FGGY: variants seen among roughly 807,000 people sequenced by gnomAD.
FGGY encodes FGGY carbohydrate kinase domain containing.
FGGY carries 72 observed loss-of-function variants against 71.3 expected under a neutral mutation model. The ratio of observed to expected loss-of-function variants is 1.01; its 90% CI spans 0.84 to 1.23. The LOEUF is 1.23. Among genes scored for constraint, FGGY ranks in the 50% most tolerant of loss-of-function variants. The pLI, the probability that FGGY is intolerant of heterozygous loss-of-function variation, is 0.00. For missense variants in FGGY, 668 were observed against 682.3 expected, an observed-to-expected ratio of 0.98 and a Z score of 0.23; for synonymous variants, 251 against 250.3, an observed-to-expected ratio of 1.00 and a Z score of -0.02.
chr1:59,351,824 C>G (rs542958605), intron 4 of FGGY, among the ~76,000 whole-genome samples: 11 of 152,210 alleles, frequency 7.2e-5, no homozygotes, highest in East Asian at 3.9e-4. Context: ...CCACTCACTT[C>G]GTTATTGCTG....
At chr1:59,459,048 T>C (rs1168322835) in intron 6 of FGGY, among the ~76,000 whole-genome samples, 1 of 152,196 alleles carries the variant, frequency 6.6e-6, no homozygotes, top group African/African-American at 2.4e-5. Flanking sequence ...GATTTGAGCA[T>C]TGAGCGTCCT....
chr1:59,318,313 TA>T (rs2045808213), intron 1 of FGGY, among the ~76,000 whole-genome samples: 2 of 152,222 alleles, frequency 1.3e-5, no homozygotes, highest in South Asian at 4.1e-4. Flanking sequence ...TGATGAATTT[TA>T]AAGACATCCA....
chr1:59,637,354 C>T (rs2096970649), intron 10 of FGGY, among the ~76,000 whole-genome samples: 2 of 152,100 alleles, frequency 1.3e-5, no homozygotes, highest in Admixed American at 1.3e-4. Context: ...GAAAAAAAAC[C>T]AGGCGAGGTG....
intron 2 of FGGY, among the ~76,000 whole-genome samples, chr1:59,326,723 T>A (rs899189599): frequency 2.0e-5 from 3 of 149,880 alleles, no homozygotes; most frequent in African/African-American, 4.9e-5. Flanking sequence ...ATTTGAAGTG[T>A]TTTTTTTTTC....
intron 5 of FGGY, among the ~76,000 whole-genome samples, chr1:59,452,233 A>G (rs780608852): frequency 6.6e-6 from 1 of 152,070 alleles, no homozygotes; most frequent in Non-Finnish European, 1.5e-5. Context: ...TGCTACTTGT[A>G]GTAGCAAAGT....
At chr1:59,672,013 C>T (rs1424066318) in intron 13 of FGGY, among the ~76,000 whole-genome samples, 1 of 152,074 alleles carries the variant, frequency 6.6e-6, no homozygotes, top group East Asian at 1.9e-4. Flanking sequence ...TAGGAAGGCC[C>T]GGGAAGTGAA....
intron 14 of FGGY, among the ~76,000 whole-genome samples, chr1:59,700,154 G>A (rs990392197): frequency 2.0e-5 from 3 of 152,130 alleles, no homozygotes; most frequent in Admixed American, 6.6e-5. Context: ...ACTACATTAA[G>A]TTCAAAATAG....
At chr1:59,402,642 A>G (rs1409922466) in intron 5 of FGGY, among the ~76,000 whole-genome samples, 1 of 152,170 alleles carries the variant, frequency 6.6e-6, no homozygotes, top group East Asian at 1.9e-4. Flanking sequence ...AAGCTTGGTA[A>G]TTATTCACTA....
chr1:59,356,403 A>T (rs1427428158), intron 4 of FGGY, among the ~76,000 whole-genome samples: 2 of 151,986 alleles, frequency 1.3e-5, no homozygotes, highest in Non-Finnish European at 1.5e-5. Context: ...CACCAGGAAA[A>T]CTTATAATAA....
At chr1:59,545,112 C>T (rs2095501905) in intron 7 of FGGY, among the ~76,000 whole-genome samples, 1 of 152,178 alleles carries the variant, frequency 6.6e-6, no homozygotes, top group African/African-American at 2.4e-5. Flanking sequence ...TAAATGTCTG[C>T]CTGTGTATTT....
At chr1:59,330,811 A>G (rs181237635) in intron 2 of FGGY, among the ~76,000 whole-genome samples, 13 of 152,226 alleles carry the variant, frequency 8.5e-5, no homozygotes, top group Middle Eastern at 6.8e-3. Flanking sequence ...ATACAGGGGT[A>G]GGTGAGACAG....
chr1:59,584,018 A>G (rs890575338), intron 8 of FGGY, among the ~76,000 whole-genome samples: 1 of 149,602 alleles, frequency 6.7e-6, no homozygotes, highest in South Asian at 2.1e-4. Context: ...TGAGGCAATA[A>G]TGAATAGCTT....
chr1:59,684,065 C>T (rs1305686950), intron 14 of FGGY, among the ~76,000 whole-genome samples: 1 of 152,106 alleles, frequency 6.6e-6, no homozygotes, highest in Non-Finnish European at 1.5e-5. Context: ...ATTTTTTAAG[C>T]CAAGGCTCAT....
At chr1:59,701,927 A>G (rs545964968) in intron 14 of FGGY, among the ~76,000 whole-genome samples, 1 of 152,316 alleles carries the variant, frequency 6.6e-6, no homozygotes, top group South Asian at 2.1e-4. Flanking sequence ...TGGAGATTGT[A>G]TTAGCGTGTT....
At chr1:59,461,728 A>G (rs1572435017) in intron 6 of FGGY, among the ~76,000 whole-genome samples, 1 of 151,598 alleles carries the variant, frequency 6.6e-6, no homozygotes, top group African/African-American at 2.4e-5. Flanking sequence ...CTCAGCAGAA[A>G]CTCTACCAGC....
chr1:59,406,007 GAT>G (rs1385406092), intron 5 of FGGY, among the ~76,000 whole-genome samples: 1 of 151,050 alleles, frequency 6.6e-6, no homozygotes, highest in Non-Finnish European at 1.5e-5. Context: ...AGAACAATAA[GAT>G]AGAAAAGAAG....
chr1:59,554,415 T>G (rs2095653799), intron 8 of FGGY, among the ~76,000 whole-genome samples, 188 bp downstream of exon 8: 1 of 152,180 alleles, frequency 6.6e-6, no homozygotes, highest in African/African-American at 2.4e-5. Flanking sequence ...TGGATCTTTT[T>G]CCAGGGGCCA....
At chr1:59,371,369 T>C (rs2057595614) in intron 4 of FGGY, among the ~76,000 whole-genome samples, 2 of 152,256 alleles carry the variant, frequency 1.3e-5, no homozygotes, top group African/African-American at 2.4e-5. Context: ...CTCCTAAATA[T>C]ATATGCACCC....
In FGGY at chr1:59,617,172, G is replaced by A. The variant is rs138763868; in HGVS notation, c.1012-8816G>A. 5.6e-4 allele frequency among the ~76,000 whole-genome samples: 85 copies of A among 151,966 alleles called. No individual in the cohort carries two copies. The East Asian group carries it at 8.5e-3, about 15-fold the overall frequency. ...GTAGTACATTGTCCATGGTTTCAAC[G>A]ATGCCACACAGTCATAAATACACCA... On this transcript the variant is annotated intron_variant, in intron 9 of 15. Transcript: ENST00000303721.
Sources: gnomAD v4.1 joint callset for allele counts (sites outside exome capture counted in the v4.1 genomes callset) on GRCh38, gnomAD v4.1.1 for gene constraint, MANE v1.5 for transcripts, NCBI Gene and HGNC (gene_info 2026-07-23, HGNC 2026-07-21) for gene names.